INPP5A: variants seen among roughly 807,000 people sequenced by gnomAD.
INPP5A encodes the protein 43 kDa inositol polyphosphate 5-phophatase.
Under a neutral mutation model 65.2 loss-of-function variants are expected in INPP5A, and 14 were observed. The ratio of observed to expected loss-of-function variants is 0.21; its 90% confidence interval spans 0.14 to 0.34. The LOEUF is 0.34. Among genes scored for constraint, INPP5A ranks in the 10% least tolerant of loss-of-function variants. The probability of loss-of-function intolerance (pLI) is 1.00; values close to 1 mark genes in which losing one functional copy is unlikely to be tolerated. For synonymous variants in INPP5A, 207 were observed against 208.3 expected, an observed-to-expected ratio of 0.99 and a Z score of 0.05; for missense variants, 431 against 545.6, an observed-to-expected ratio of 0.79 and a Z score of 2.09.
rs906041330 is a variant in INPP5A, at chr10:132,705,508, C to T, written c.475-2805C>T. 3.9e-5 allele frequency among the ~76,000 whole-genome samples: 6 copies of T among 152,230 alleles called. No homozygotes were observed. Among genetic ancestry groups the T allele is most frequent in the South Asian group, 4.1e-4 (2 of 4,834 alleles). ...CCAGAGCCAGCTCGTGGTGTGAGGA[C>T]GGATCCTCCTCGACGAGTAGAGCCA... On this transcript the variant is annotated intron_variant, in intron 6 of 15. Coordinates refer to ENST00000368594, the MANE Select transcript of INPP5A (RefSeq NM_005539.5). The surrounding 1 kb of genome is among the most constrained non-coding windows in gnomAD (Gnocchi z 4.9).
intron 2 of INPP5A, among the ~76,000 whole-genome samples, chr10:132,629,913 G>T (rs1021729689): frequency 6.6e-6 from 1 of 152,188 alleles, no homozygotes; most frequent in Non-Finnish European, 1.5e-5. Flanking sequence ...TCCATAAGGG[G>T]AAGGCATCCA....
At position 132,719,756 on chromosome 10, in the gene INPP5A, G is replaced by A. The variant is rs1296319000; in HGVS notation, c.648-7065G>A. ...TGTCTTCAGGGTTCTGTGGTACCTG[G>A]GTTCTTTCTGTGTGCCTTAGACGGC... is the stretch of plus-strand genomic sequence containing the variant. On this transcript the variant is annotated intron_variant, in intron 8 of 15. Coordinates refer to ENST00000368594, the MANE Select transcript of INPP5A (RefSeq NM_005539.5). Among the ~76,000 whole-genome samples, 40 of 150,570 alleles carry A rather than the reference G, an allele frequency of 2.7e-4. 1 individual carries two copies. The highest frequency in any genetic ancestry group is 5.0e-4 in the Non-Finnish European group (34 of 67,768).
Position 132,545,796 on chromosome 10 carries a change from A to G in INPP5A, c.75+7625A>G, listed in dbSNP as rs184878295. 6.6e-6 allele frequency among the ~76,000 whole-genome samples: 1 copy of G among 152,330 alleles called. No individual in the cohort carries two copies. Among genetic ancestry groups the G allele is most frequent in the Non-Finnish European group, 1.5e-5 (1 of 68,028 alleles). ...GTCTGGTTGGTGCTGCCATGGGCTC[A>G]GATCTGGCGTTTTCCAAGCTCCCCC... On this transcript the variant is annotated intron_variant, in intron 1 of 15. Transcript: ENST00000368594. This position sits in a 1 kb window ranked among gnomAD's most constrained non-coding sequence, Gnocchi z 4.6.
At chr10:132,780,769 G>A in intron 13 of INPP5A, 80 bp from the exon 14 acceptor site, 1 of 1,137,956 alleles carries the variant, frequency 8.8e-7, no homozygotes, top group East Asian at 2.3e-5. Flanking sequence ...ACAAAACCCT[G>A]ATGTTCCTGC....
chr10:132,548,608 T>C (rs977281311), intron 1 of INPP5A, among the ~76,000 whole-genome samples: 2 of 152,132 alleles, frequency 1.3e-5, no homozygotes, highest in African/African-American at 4.8e-5. Flanking sequence ...ACTTCCCTCC[T>C]CAGTCCCTGC....
In INPP5A at chr10:132,546,735, G is replaced by A. The variant is rs901480655; in HGVS notation, c.75+8564G>A. On this transcript the variant is annotated intron_variant, in intron 1 of 15. Coordinates refer to ENST00000368594, the MANE Select transcript of INPP5A (RefSeq NM_005539.5). This position sits in a 1 kb window ranked among gnomAD's most constrained non-coding sequence, Gnocchi z 5.7. The stretch of plus-strand genomic sequence containing the variant: ...TCTTCCTGGGTGCACTGCATACCCC[G>A]GGCCCCCTGGGCTCTGGCCTGTCCC... 3.3e-5 allele frequency among the ~76,000 whole-genome samples: 5 copies of A among 152,106 alleles called. No homozygotes were observed. The highest frequency in any genetic ancestry group is 6.5e-5 in the Admixed American group (1 of 15,286).
At chr10:132,781,715 T>C in intron 14 of INPP5A, 146 bp from the exon 15 acceptor site, 2 of 697,232 alleles carry the variant, frequency 2.9e-6, no homozygotes, top group Non-Finnish European at 5.1e-6. Flanking sequence ...AGGGCCGAGC[T>C]GCCTCTGCTG....
intron 4 of INPP5A, among the ~76,000 whole-genome samples, chr10:132,656,482 G>A (rs529901364): frequency 1.1e-3 from 167 of 152,278 alleles, no homozygotes; most frequent in African/African-American, 2.2e-3. Flanking sequence ...CCTGCTCCTC[G>A]GAGGGTCCCC....
At chr10:132,635,024 TC>T (rs1373549611) in intron 2 of INPP5A, among the ~76,000 whole-genome samples, 2 of 152,250 alleles carry the variant, frequency 1.3e-5, no homozygotes, top group Non-Finnish European at 2.9e-5. Context: ...TGACGGAACT[TC>T]CTGATGAGAG....
At chr10:132,564,894 G>A (rs781681443) in intron 1 of INPP5A, among the ~76,000 whole-genome samples, 20 of 152,016 alleles carry the variant, frequency 1.3e-4, no homozygotes, top group Admixed American at 6.6e-4. Context: ...TGTGCTGGCC[G>A]TGAGAATTCC....
chr10:132,657,218 G>A (rs1590900975), intron 4 of INPP5A, among the ~76,000 whole-genome samples: 2 of 152,230 alleles, frequency 1.3e-5, no homozygotes, highest in Admixed American at 6.5e-5. Context: ...ACAGCACGTG[G>A]CCGCTGGTCA....
In INPP5A at chr10:132,645,850, G is replaced by GA. The variant is rs2072486392; in HGVS notation, c.118-18_118-17insA. ...GGACGGCTCCGACGACCCTGACAGT[G>GA]TGCTTCTCTCCCTCCAGGTCGTGCA... On this transcript the variant is annotated splice_polypyrimidine_tract_variant and intron_variant, in intron 2 of 15. Coordinates refer to ENST00000368594, the MANE Select transcript of INPP5A (RefSeq NM_005539.5). The GA allele has an allele frequency of 4.4e-6, 7 of 1,599,060 alleles. No individual in the cohort carries two copies. Among genetic ancestry groups the GA allele is most frequent in the Non-Finnish European group, 6.0e-6 (7 of 1,169,072 alleles).
chr10:132,613,624 G>A (rs983018136), intron 2 of INPP5A, among the ~76,000 whole-genome samples: 7 of 152,316 alleles, frequency 4.6e-5, no homozygotes, highest in Non-Finnish European at 7.3e-5. Flanking sequence ...AGATTTCAGC[G>A]CCAATCCCCA....
chr10:132,607,656 C>A (rs1020958269), intron 1 of INPP5A, among the ~76,000 whole-genome samples: 1 of 152,236 alleles, frequency 6.6e-6, no homozygotes, highest in Non-Finnish European at 1.5e-5. Context: ...GGGGGCTGCG[C>A]GACGCTGCCC....
chr10:132,643,220 T>G (rs1348194131), intron 2 of INPP5A, among the ~76,000 whole-genome samples: 2 of 152,220 alleles, frequency 1.3e-5, no homozygotes, highest in African/African-American at 2.4e-5. Flanking sequence ...TATTAAAGAC[T>G]AAGAAAGGCA....
chr10:132,582,889 C>G (rs1400455591), intron 1 of INPP5A, among the ~76,000 whole-genome samples: 1 of 152,238 alleles, frequency 6.6e-6, no homozygotes, highest in Non-Finnish European at 1.5e-5. Context: ...TAACTTGATT[C>G]TTGCAGAGGC....
intron 11 of INPP5A, among the ~76,000 whole-genome samples, chr10:132,752,131 T>TGGTGCCCAGGAG (rs1227044930): frequency 6.7e-6 from 1 of 150,364 alleles, no homozygotes; most frequent in African/African-American, 2.5e-5. Context: ...GGCGTCTGGG[T>TGGTGCCCAGGAG]GGAGGCAGGT....
intron 2 of INPP5A, among the ~76,000 whole-genome samples, chr10:132,630,240 A>G (rs1410151615): frequency 6.7e-6 from 1 of 148,496 alleles, no homozygotes; most frequent in Non-Finnish European, 1.5e-5. Context: ...TGAGGGGAAG[A>G]CGTCCATGAG....
At chr10:132,671,379 A>ACTCCGCCCTCCCTGCTTCGGC (rs2072889463) in intron 4 of INPP5A, among the ~76,000 whole-genome samples, 3 of 133,322 alleles carry the variant, frequency 2.3e-5, no homozygotes, top group Non-Finnish European at 4.8e-5. Context: ...CCTGCTTCGG[A>ACTCCGCCCTCCCTGCTTCGGC]CTCCGCCCTC....
Sources: gnomAD v4.1 joint callset for allele counts (sites outside exome capture counted in the v4.1 genomes callset) on GRCh38, gnomAD v4.1.1 for gene constraint, Gnocchi (gnomAD v3.1) non-coding constraint, MANE v1.5 for transcripts, NCBI Gene and HGNC (gene_info 2026-07-23, HGNC 2026-07-21) for gene names.